DNAJC1: variants seen among roughly 807,000 people sequenced by gnomAD.
DNAJC1 encodes the protein dnaJ homolog subfamily C member 1.
A neutral mutation model predicts 76.6 loss-of-function variants in DNAJC1; 58 were observed. The ratio of observed to expected loss-of-function variants is 0.76; its 90% CI spans 0.61 to 0.94. The LOEUF (loss-of-function observed/expected upper bound fraction) is 0.94. DNAJC1 is among the 40% of genes least tolerant of loss of function. The pLI, the probability that DNAJC1 is intolerant of heterozygous loss-of-function variation, is 0.00. For missense variants in DNAJC1, 689 were observed against 677.3 expected (o/e 1.02, Z -0.19); for synonymous variants, 258 against 267.9 (o/e 0.96, Z 0.36).
intron 8 of DNAJC1, among the ~76,000 whole-genome samples, chr10:21,873,493 C>G (rs1008770507): frequency 3.9e-5 from 6 of 151,928 alleles, no homozygotes; most frequent in Non-Finnish European, 8.8e-5. Flanking sequence ...AAAATTCTAC[C>G]AAGAATTAAT....
At chr10:21,767,673 C>G (rs1380975583) in intron 9 of DNAJC1, among the ~76,000 whole-genome samples, 1 of 152,146 alleles carries the variant, frequency 6.6e-6, no homozygotes, top group Non-Finnish European at 1.5e-5. Context: ...CCAAAAATCT[C>G]TGCCTATGTA....
At chr10:21,834,119 C>A (rs1249366540) in intron 8 of DNAJC1, among the ~76,000 whole-genome samples, 3 of 152,022 alleles carry the variant, frequency 2.0e-5, no homozygotes, top group Non-Finnish European at 2.9e-5. Flanking sequence ...AAAAAATTAA[C>A]CGGGCACGGT....
intron 6 of DNAJC1, 89 bp from the exon 7 acceptor site, chr10:21,904,701 T>C: frequency 1.5e-6 from 1 of 679,934 alleles, no homozygotes; most frequent in Non-Finnish European, 2.3e-6. Flanking sequence ...AAGCATTATA[T>C]TCATTTTATA....
At chr10:21,783,793 A>C (rs938727461) in intron 9 of DNAJC1, among the ~76,000 whole-genome samples, 15 of 152,150 alleles carry the variant, frequency 9.9e-5, no homozygotes, top group African/African-American at 1.7e-4. Context: ...CAAAAACAAG[A>C]AATGGGGAAA....
At chr10:21,924,149 T>G (rs935930572) in intron 3 of DNAJC1, among the ~76,000 whole-genome samples, 1 of 152,010 alleles carries the variant, frequency 6.6e-6, no homozygotes, top group East Asian at 1.9e-4. Context: ...GAAAAAAATA[T>G]ATATATGCCA....
chr10:21,941,918 G>A (rs1221349997), intron 1 of DNAJC1, among the ~76,000 whole-genome samples: 1 of 152,052 alleles, frequency 6.6e-6, no homozygotes, highest in African/African-American at 2.4e-5. Context: ...GGATGAGAAG[G>A]TAACCACTAT....
intron 8 of DNAJC1, among the ~76,000 whole-genome samples, chr10:21,806,413 G>A (rs1413202733): frequency 2.0e-5 from 3 of 151,652 alleles, no homozygotes; most frequent in Non-Finnish European, 2.9e-5. Flanking sequence ...ATTAAAATGA[G>A]AAACCATTCT....
intron 9 of DNAJC1, among the ~76,000 whole-genome samples, chr10:21,803,001 A>G (rs1834830291): frequency 6.6e-6 from 1 of 152,122 alleles, no homozygotes; most frequent in South Asian, 2.1e-4. Flanking sequence ...ATTAAAATAT[A>G]CTCGGTGTCA....
chr10:22,003,352 C>CG lies in DNAJC1; in HGVS notation c.82dup (p.Arg28ProfsTer30), dbSNP rs1554904771. 1,561 of 1,424,944 alleles carry CG rather than the reference C, an allele frequency of 1.1e-3. 10 individuals are homozygous for CG. Among genetic ancestry groups the CG allele is most frequent in the South Asian group, 0.01 (645 of 64,392 alleles). The allele number at this position is 1,424,944 out of a possible 1,614,324, so 88.3% of individuals were successfully genotyped here. A position where few individuals can be genotyped will look rare whatever the true frequency, so the allele number is the denominator to read the frequency against. ...CAGCAGCAGCCACAGCAGCGGCGTCCGCGGCGGCGGCGGCGGGAACGGCAC... is the reference window on the plus strand; with the variant it reads ...CAGCAGCAGCCACAGCAGCGGCGTCCGGCGGCGGCGGCGGCGGGAACGGCAC... On this transcript the variant is annotated frameshift_variant, in exon 1 of 12. Coordinates refer to ENST00000376980, the MANE Select transcript of DNAJC1 (RefSeq NM_022365.4). LOFTEE classifies it high-confidence loss of function.
chr10:21,987,526 A>C (rs1490224359), intron 1 of DNAJC1, among the ~76,000 whole-genome samples: 2 of 152,208 alleles, frequency 1.3e-5, no homozygotes, highest in African/African-American at 4.8e-5. Context: ...AGAATGTAGA[A>C]TTATACCCAC....
At chr10:21,869,576 G>A (rs534754293) in intron 8 of DNAJC1, among the ~76,000 whole-genome samples, 6 of 152,114 alleles carry the variant, frequency 3.9e-5, no homozygotes, top group Admixed American at 1.3e-4. Flanking sequence ...GACCTCCTGA[G>A]GCTGTGTCAT....
At chr10:21,838,045 T>TG (rs575123284) in intron 8 of DNAJC1, among the ~76,000 whole-genome samples, 21 of 146,914 alleles carry the variant, frequency 1.4e-4, no homozygotes, top group South Asian at 2.2e-4. Flanking sequence ...GTCCGGGAGG[T>TG]GGGGGGCGCC....
In DNAJC1 at chr10:22,003,355, G is replaced by T. The variant is rs1187819138; in HGVS notation, c.80C>A (p.Pro27Gln). The stretch of plus-strand genomic sequence containing the variant: ...CAGCAGCCACAGCAGCGGCGTCCGC[G>T]GCGGCGGCGGCGGGAACGGCACCAG... ...LGLVPFPPPP[P>Q]RTPLLWLLLL... Residue 27 changes from proline (P) to glutamine (Q), a missense_variant, in exon 1 of 12, where the codon CCG becomes CAG. By Grantham distance (76) the Pro-to-Gln change is moderately conservative. Coordinates refer to ENST00000376980, the MANE Select transcript of DNAJC1 (RefSeq NM_022365.4). 1 of 1,365,432 alleles carries T rather than the reference G, an allele frequency of 7.3e-7. No individual in the cohort carries two copies. Among genetic ancestry groups the T allele is most frequent in the South Asian group, 1.9e-5 (1 of 51,988 alleles). The allele number at this position is 1,365,432 out of a possible 1,614,324, so 84.6% of individuals were successfully genotyped here.
chr10:21,780,315 G>A (rs1220238630), intron 9 of DNAJC1, among the ~76,000 whole-genome samples: 4 of 152,182 alleles, frequency 2.6e-5, no homozygotes, highest in Admixed American at 6.5e-5. Flanking sequence ...AAGTTGAAAT[G>A]AAGGAAAAAA....
At chr10:21,776,887 C>T (rs1442301194) in intron 9 of DNAJC1, among the ~76,000 whole-genome samples, 1 of 152,166 alleles carries the variant, frequency 6.6e-6, no homozygotes, top group Non-Finnish European at 1.5e-5. Flanking sequence ...CCAGTGAACA[C>T]CGTAACAACA....
intron 9 of DNAJC1, among the ~76,000 whole-genome samples, chr10:21,791,864 A>G (rs1834692739): frequency 6.6e-6 from 1 of 152,148 alleles, no homozygotes; most frequent in Non-Finnish European, 1.5e-5. Context: ...AGAAAGGAAT[A>G]ATAGAGTTCA....
At chr10:21,764,905 C>G (rs1034437378) in intron 10 of DNAJC1, among the ~76,000 whole-genome samples, 2 of 152,176 alleles carry the variant, frequency 1.3e-5, no homozygotes, top group Non-Finnish European at 2.9e-5. Flanking sequence ...AAAGCTGCTT[C>G]TGGTGCCTTC....
At chr10:21,893,346 G>A (rs529968203) in intron 7 of DNAJC1, among the ~76,000 whole-genome samples, 2 of 152,264 alleles carry the variant, frequency 1.3e-5, no homozygotes, top group Non-Finnish European at 2.9e-5. Flanking sequence ...AAAATATGTG[G>A]CCAAGTGCAG....
chr10:21,928,354 T>C, intron 3 of DNAJC1, 152 bp downstream of exon 3: 4 of 669,068 alleles, frequency 6.0e-6, no homozygotes, highest in Non-Finnish European at 7.6e-6. Context: ...TTAACTCTGC[T>C]TCAAACACAC....
Sources: gnomAD v4.1 joint callset for allele counts (sites outside exome capture counted in the v4.1 genomes callset) on GRCh38, gnomAD v4.1.1 for gene constraint, MANE v1.5 for transcripts, NCBI Gene and HGNC (gene_info 2026-07-23, HGNC 2026-07-21) for gene names.